The following DLC1 variants were observed in gnomAD, a reference collection of about 807,000 sequenced individuals.
DLC1 encodes DLC1 Rho GTPase activating protein, also known as rho GTPase-activating protein 7.
DLC1 carries 54 observed loss-of-function variants against 140.3 expected under a neutral mutation model. The observed-to-expected ratio is 0.38, with a 90% CI of 0.31 to 0.48. The LOEUF is 0.48. Ranked by LOEUF, DLC1 falls within the 20% of genes least tolerant of loss-of-function variation. The probability of loss-of-function intolerance (pLI) is 0.96; values close to 1 mark genes in which losing one functional copy is unlikely to be tolerated. For missense variants in DLC1, 2,536 were observed against 1,907.0 expected (o/e 1.33, Z -6.14); for synonymous variants, 986 against 728.1 (o/e 1.35, Z -5.70).
intron 4 of DLC1, among the ~76,000 whole-genome samples, chr8:13,330,077 A>G (rs915227569): frequency 6.6e-6 from 1 of 151,954 alleles, no homozygotes; most frequent in African/African-American, 2.4e-5. Flanking sequence ...TGACCCTCCC[A>G]CCTCAACTTC....
intron 5 of DLC1, among the ~76,000 whole-genome samples, chr8:13,200,265 T>C (rs566126088): frequency 5.3e-5 from 8 of 152,014 alleles, no homozygotes; most frequent in Non-Finnish European, 1.0e-4. Flanking sequence ...GGTTTCACTA[T>C]GTTGGCCAGG....
At chr8:13,512,125 C>A (rs947640864) in intron 1 of DLC1, among the ~76,000 whole-genome samples, 10 of 152,016 alleles carry the variant, frequency 6.6e-5, no homozygotes, top group Non-Finnish European at 1.2e-4. Context: ...CACTTTACTG[C>A]ACTTATTTCT....
chr8:13,317,154 A>G (rs750528334), intron 4 of DLC1, among the ~76,000 whole-genome samples: 3 of 152,194 alleles, frequency 2.0e-5, no homozygotes, highest in Admixed American at 6.5e-5. Context: ...TAGCACTGAC[A>G]TATTTTCAAT....
chr8:13,179,667 G>A (rs1019769154), intron 5 of DLC1, among the ~76,000 whole-genome samples: 2 of 151,992 alleles, frequency 1.3e-5, no homozygotes, highest in African/African-American at 2.4e-5. Context: ...GCCACAGTGA[G>A]CACTGATTAT....
chr8:13,441,425 G>C (rs527513156), intron 2 of DLC1, among the ~76,000 whole-genome samples: 52 of 152,346 alleles, frequency 3.4e-4, no homozygotes, highest in African/African-American at 1.2e-3. Context: ...AACTGTCCCT[G>C]TTTGCAGACA....
chr8:13,328,877 G>T (rs1016520702), intron 4 of DLC1, among the ~76,000 whole-genome samples: 3 of 152,296 alleles, frequency 2.0e-5, no homozygotes, highest in African/African-American at 7.2e-5. Context: ...AGTGATCTGG[G>T]ACTAGGTGAG....
chr8:13,369,461 C>T (rs186845716), intron 4 of DLC1, among the ~76,000 whole-genome samples: 29 of 151,904 alleles, frequency 1.9e-4, no homozygotes, highest in Middle Eastern at 3.4e-3. Flanking sequence ...CTCATCTCCT[C>T]GTCTGAATGA....
intron 2 of DLC1, among the ~76,000 whole-genome samples, chr8:13,466,896 G>A (rs1799966812): frequency 1.3e-5 from 2 of 151,760 alleles, no homozygotes; most frequent in South Asian, 4.1e-4. Context: ...TAACTGAAAA[G>A]TCTAATACAT....
chr8:13,567,774 C>A, intron 1 of DLC1: 3 of 1,551,924 alleles, frequency 1.9e-6, no homozygotes, highest in Non-Finnish European at 2.6e-6. Context: ...CCAGAATAAT[C>A]TGGAAAAGAC....
intron 2 of DLC1, among the ~76,000 whole-genome samples, chr8:13,464,746 T>TTATATATATATATATATATTTATATATA (rs1185818049): frequency 7.6e-6 from 1 of 130,930 alleles, no homozygotes; most frequent in African/African-American, 2.7e-5. Context: ...GAATTTTAAA[T>TTATATATATATATATATATTTATATATA]TATATATATA....
chr8:13,513,356 G>A (rs1253468722), intron 1 of DLC1, among the ~76,000 whole-genome samples: 2 of 152,002 alleles, frequency 1.3e-5, no homozygotes, highest in Non-Finnish European at 2.9e-5. Flanking sequence ...TCATATTTAA[G>A]AAGTTTTAAC....
chr8:13,250,480 T>C (rs1211379511), intron 5 of DLC1, among the ~76,000 whole-genome samples: 5 of 152,214 alleles, frequency 3.3e-5, no homozygotes, highest in Non-Finnish European at 1.5e-5. Context: ...TAGGTAATTA[T>C]TGTTATGGTA....
chr8:13,421,778 G>T (rs1259892163), intron 2 of DLC1, among the ~76,000 whole-genome samples: 1 of 152,118 alleles, frequency 6.6e-6, no homozygotes, highest in African/African-American at 2.4e-5. Context: ...TTGTGCATAA[G>T]GAAACCAAAC....
chr8:13,382,211 T>C (rs898015062), intron 4 of DLC1, among the ~76,000 whole-genome samples: 1 of 151,964 alleles, frequency 6.6e-6, no homozygotes, highest in African/African-American at 2.4e-5. Flanking sequence ...TTACGTATAC[T>C]GAAATGAAAG....
At chr8:13,280,752 C>T in intron 5 of DLC1, among the ~76,000 whole-genome samples, 1 of 152,162 alleles carries the variant, frequency 6.6e-6, no homozygotes, top group East Asian at 1.9e-4. Context: ...CCAATGAGAA[C>T]ATTTAGGACT....
intron 5 of DLC1, among the ~76,000 whole-genome samples, chr8:13,218,056 G>A (rs939816540): frequency 6.6e-6 from 1 of 151,910 alleles, no homozygotes; most frequent in Non-Finnish European, 1.5e-5. Flanking sequence ...AGACATACAT[G>A]TATCAAATCA....
At chr8:13,133,125 C>T in intron 5 of DLC1, 2 of 1,461,858 alleles carry the variant, frequency 1.4e-6, no homozygotes, top group Non-Finnish European at 1.8e-6. Flanking sequence ...CTCCCTGCCC[C>T]TCGTCACGGC....
chr8:13,364,984 A>C (rs1835414126), intron 4 of DLC1, among the ~76,000 whole-genome samples: 1 of 152,182 alleles, frequency 6.6e-6, no homozygotes, highest in African/African-American at 2.4e-5. Flanking sequence ...GGTATGTTTG[A>C]GATTGCATGG....
chr8:13,115,580 G>C lies in DLC1; in HGVS notation c.1420+6C>G. The C allele has an allele frequency of 6.2e-7, 1 of 1,612,096 alleles. No homozygotes were observed. Among genetic ancestry groups the C allele is most frequent in the Non-Finnish European group, 8.5e-7 (1 of 1,179,172 alleles). On this transcript the variant is annotated splice_donor_region_variant and intron_variant, in intron 6 of 17. Coordinates refer to ENST00000276297, the MANE Select transcript of DLC1 (RefSeq NM_182643.3). ...CAACTTTTAAAAAGTGGCATTCCCAGCTTACCTTCATAAAGCTGTGCATAC... is the reference window on the plus strand; with the variant it reads ...CAACTTTTAAAAAGTGGCATTCCCACCTTACCTTCATAAAGCTGTGCATAC...
Sources: allele counts gnomAD v4.1 joint callset (sites outside exome capture counted in the v4.1 genomes callset), GRCh38; gene constraint gnomAD v4.1.1; transcripts MANE v1.5; gene names NCBI Gene and HGNC (gene_info 2026-07-23, HGNC 2026-07-21).